The following SNX32 variants were observed in gnomAD, a reference collection of about 807,000 sequenced individuals.
SNX32 encodes sorting nexin 32, also known as sorting nexin-32.
SNX32 carries 58 observed loss-of-function variants against 57.0 expected under a neutral mutation model. The observed-to-expected ratio is 1.02, with a 90% CI of 0.82 to 1.27. The LOEUF (loss-of-function observed/expected upper bound fraction) is 1.27, where lower values mean the gene tolerates loss of function less well. Among genes scored for constraint, SNX32 ranks in the 50% most tolerant of loss-of-function variants. The probability of loss-of-function intolerance (pLI) is 0.00; values close to 1 mark genes in which losing one functional copy is unlikely to be tolerated. For synonymous variants in SNX32, 262 were observed against 220.4 expected (o/e 1.19, Z -1.67); for missense variants, 589 against 541.2 (o/e 1.09, Z -0.88).
chr11:65,846,192 G>A (rs1031347168), intron 1 of SNX32, among the ~76,000 whole-genome samples: 1 of 151,838 alleles, frequency 6.6e-6, no homozygotes, highest in Non-Finnish European at 1.5e-5. Context: ...AATCCCATAA[G>A]CCTGAGTGGT....
intron 1 of SNX32, among the ~76,000 whole-genome samples, chr11:65,841,559 T>C (rs1858841913): frequency 6.6e-6 from 1 of 151,916 alleles, no homozygotes; most frequent in African/African-American, 2.4e-5. Context: ...TATATACAAT[T>C]AGAAGATGAA....
chr11:65,845,238 G>A (rs1273716456), intron 1 of SNX32, among the ~76,000 whole-genome samples: 1 of 151,092 alleles, frequency 6.6e-6, no homozygotes, highest in East Asian at 1.9e-4. Context: ...TGGAGATCGA[G>A]ACCATCCTGG....
chr11:65,838,096 C>T (rs910793849), intron 1 of SNX32, among the ~76,000 whole-genome samples: 2 of 151,538 alleles, frequency 1.3e-5, no homozygotes, highest in African/African-American at 4.9e-5. Flanking sequence ...GCGGAGGTTG[C>T]AGTGAGCCAA....
Position 65,852,916 on chromosome 11 carries a change from G to GA in SNX32, c.1118dup (p.Asn373LysfsTer4). ...CCCGCCGGGTCTCCTCTTTTCGAAAGAATCTCATTGAGCTGGCAGAGCTGG... is the reference window on the plus strand; with the variant it reads ...CCCGCCGGGTCTCCTCTTTTCGAAAGAAATCTCATTGAGCTGGCAGAGCTGG... On this transcript the variant is annotated frameshift_variant, in exon 12 of 13. Coordinates refer to ENST00000308342, the MANE Select transcript of SNX32 (RefSeq NM_152760.3). LOFTEE classifies it high-confidence loss of function. 2 of 1,614,172 alleles carry GA rather than the reference G, an allele frequency of 1.2e-6. No homozygotes were observed. The highest frequency in any genetic ancestry group is 1.7e-6 in the Non-Finnish European group (2 of 1,180,012).
intron 9 of SNX32, 89 bp from the exon 10 acceptor site, chr11:65,852,376 T>C (rs895500245): frequency 1.0e-5 from 12 of 1,177,304 alleles, no homozygotes; most frequent in Admixed American, 6.8e-5. Flanking sequence ...TAAGGCTTCT[T>C]TGCTGGATAT....
Position 65,851,062 on chromosome 11 carries a change from A to G in SNX32, c.611A>G (p.Asp204Gly). 1 of 1,613,888 alleles carries G rather than the reference A, an allele frequency of 6.2e-7. No homozygotes were observed. Among genetic ancestry groups the G allele is most frequent in the Non-Finnish European group, 8.5e-7 (1 of 1,179,830 alleles). Reference sequence around the variant, plus strand: ...CCTGCCTGGCTCCCTTAGGAGGTGGATGACTTCTTTGAGCATGAGAGGACC... The same window carrying G: ...CCTGCCTGGCTCCCTTAGGAGGTGGGTGACTTCTTTGAGCATGAGAGGACC... ...ITGMSGLKEV[D>G]DFFEHERTFL... The change falls in exon 7 of 13, where the codon GAT becomes GGT. Residue 204 changes from aspartate (D) to glycine (G), a missense_variant. By Grantham distance (94) the Asp-to-Gly change is moderately conservative (BLOSUM62 -1). Transcript: ENST00000308342.
intron 1 of SNX32, among the ~76,000 whole-genome samples, chr11:65,842,599 G>A (rs985681623): frequency 1.3e-5 from 2 of 152,050 alleles, no homozygotes; most frequent in Non-Finnish European, 2.9e-5. Context: ...GCTGCAGTGA[G>A]CCAAGATCGT....
In SNX32 at chr11:65,850,141, T is replaced by C. The variant is rs1378146055; in HGVS notation, c.253-9T>C. Reference sequence around the variant, plus strand: ...AGAGGCCTCCCAGCTCCGTCCCTCCTTTGAGCAGATCCCCCCAGCCCCTCC... The same window carrying C: ...AGAGGCCTCCCAGCTCCGTCCCTCCCTTGAGCAGATCCCCCCAGCCCCTCC... On this transcript the variant is annotated splice_polypyrimidine_tract_variant and intron_variant, in intron 3 of 12. Transcript: ENST00000308342. 2 of 1,614,190 alleles carry C rather than the reference T, an allele frequency of 1.2e-6. No homozygotes were observed. The highest frequency in any genetic ancestry group is 1.7e-5 in the Admixed American group (1 of 60,030).
At chr11:65,851,579 CAGAG>C (rs1007240537) in intron 8 of SNX32, 57 bp from the exon 9 acceptor site, 1 of 1,592,278 alleles carries the variant, frequency 6.3e-7, no homozygotes, top group Non-Finnish European at 8.6e-7. Flanking sequence ...GAGGCTGAGA[CAGAG>C]AGGCTTTGAG....
At chr11:65,853,050 G>C (rs984437988) in intron 12 of SNX32, 92 bp downstream of exon 12, 37 of 1,396,126 alleles carry the variant, frequency 2.7e-5, no homozygotes, top group African/African-American at 4.2e-5. Context: ...TGCATGTGAG[G>C]GTGTGCACGC....
intron 12 of SNX32, 83 bp from the exon 13 acceptor site, chr11:65,853,199 G>A (rs565049163): frequency 1.8e-4 from 291 of 1,581,750 alleles, no homozygotes; most frequent in Middle Eastern, 5.0e-4. Flanking sequence ...GGTGTGGGGA[G>A]CGAGGGAGCA....
chr11:65,851,454 C>T lies in SNX32; in HGVS notation c.785+51C>T, dbSNP rs564625121. 66 of 1,597,636 alleles carry T rather than the reference C, an allele frequency of 4.1e-5. No individual in the cohort carries two copies. In the South Asian group the frequency reaches 6.2e-4, roughly 15 times the overall value. On this transcript the variant is annotated intron_variant, in intron 8 of 12. Transcript: ENST00000308342. The stretch of plus-strand genomic sequence containing the variant: ...TCTCCCTGTGCCTGTAATACCATGT[C>T]TTCCCATGAGGGGTCACTCTGTAGA...
At chr11:65,850,920 C>T (rs1249062741) in intron 6 of SNX32, 65 bp downstream of exon 6, 4 of 1,543,728 alleles carry the variant, frequency 2.6e-6, no homozygotes, top group Non-Finnish European at 3.6e-6. Flanking sequence ...AGATTGAGGC[C>T]CAGGCTGGGT....
At chr11:65,846,563 T>TC (rs1378594226) in intron 1 of SNX32, among the ~76,000 whole-genome samples, 1 of 148,184 alleles carries the variant, frequency 6.7e-6, no homozygotes, top group Non-Finnish European at 1.5e-5. Context: ...TGAAACTCTG[T>TC]CTCGAAAAAA....
intron 1 of SNX32, among the ~76,000 whole-genome samples, chr11:65,842,996 CG>C (rs946864151): frequency 9.3e-5 from 13 of 140,014 alleles, no homozygotes; most frequent in African/African-American, 3.5e-4. Flanking sequence ...AGGCCGAGAC[CG>C]GGGGATCATG....
chr11:65,843,105 C>T (rs1011944398), intron 1 of SNX32, among the ~76,000 whole-genome samples: 1 of 150,610 alleles, frequency 6.6e-6, no homozygotes, highest in African/African-American at 2.4e-5. Context: ...CCTGTAGTCC[C>T]AGCTACTAGG....
intron 1 of SNX32, among the ~76,000 whole-genome samples, chr11:65,845,906 A>T (rs752146619): frequency 2.0e-5 from 3 of 152,248 alleles, no homozygotes; most frequent in African/African-American, 7.2e-5. Flanking sequence ...CAACGTAGAG[A>T]GCTCTCTAAA....
chr11:65,835,877 A>G (rs1449097622), intron 1 of SNX32, among the ~76,000 whole-genome samples: 1 of 152,120 alleles, frequency 6.6e-6, no homozygotes, highest in Non-Finnish European at 1.5e-5. Flanking sequence ...AAAGCATGGA[A>G]CAGAATGGTC....
Position 65,851,333 on chromosome 11 carries a change from G to A in SNX32, c.715G>A (p.Ala239Thr), listed in dbSNP as rs777007797. The A allele has an allele frequency of 5.1e-5, 82 of 1,614,000 alleles. No homozygotes were observed. The East Asian group carries it at 1.1e-3, about 22-fold the overall frequency. ...DRVMRAHKCL[A>T]DDYIPISAAL... ...TGGGGGCTGTTCCCCAACAGGCCTG[G>A]CAGACGATTATATCCCTATCTCAGC... Residue 239 changes from alanine (A) to threonine (T), a missense_variant, in exon 8 of 13, where the codon GCA becomes ACA. Ala to Thr is a moderately conservative substitution (Grantham distance 58). Coordinates refer to ENST00000308342, the MANE Select transcript of SNX32 (RefSeq NM_152760.3).
Sources: gnomAD v4.1 joint callset for allele counts (sites outside exome capture counted in the v4.1 genomes callset) on GRCh38, gnomAD v4.1.1 for gene constraint, MANE v1.5 for transcripts, NCBI Gene and HGNC (gene_info 2026-07-23, HGNC 2026-07-21) for gene names.